C1QBP: variants seen among roughly 807,000 people sequenced by gnomAD.
The protein encoded by C1QBP is complement component 1 Q subcomponent-binding protein, mitochondrial.
A neutral mutation model predicts 29.4 loss-of-function variants in C1QBP; 24 were observed. That is an observed-to-expected ratio of 0.82 (90% CI 0.59 to 1.15). C1QBP has a LOEUF of 1.15. C1QBP is among the 50% of genes most tolerant of loss of function. The probability of loss-of-function intolerance (pLI) is 0.00; values close to 1 mark genes in which losing one functional copy is unlikely to be tolerated. For missense variants in C1QBP, 337 were observed against 355.8 expected (o/e 0.95, Z 0.43); for synonymous variants, 182 against 149.2 (o/e 1.22, Z -1.60).
At position 5,438,945 on chromosome 17, in the gene C1QBP, G is replaced by C; in HGVS notation, c.129C>G (p.Phe43Leu). The C allele has an allele frequency of 6.6e-7, 1 of 1,523,276 alleles. No homozygotes were observed. The allele number at this position is 1,523,276 out of a possible 1,614,324, so 94.4% of individuals were successfully genotyped here. A position where few individuals can be genotyped will look rare whatever the true frequency, so the allele number is the denominator to read the frequency against. Residue 43 changes from phenylalanine (F) to leucine (L), a missense_variant, in exon 1 of 6, where the codon TTC becomes TTG. Physicochemically the swap from Phe to Leu is conservative, Grantham distance 22. Coordinates refer to ENST00000225698, the MANE Select transcript of C1QBP (RefSeq NM_001212.4). ...QPAPRLCTRP[F>L]GLLSVRAGSE... ...AACCTGCGCGCACGCTGAGCAGCCC[G>C]AAGGGCCGGGTGCACAGCCGGGGTG...
At position 5,438,260 on chromosome 17, in the gene C1QBP, A is replaced by G; in HGVS notation, c.246T>C (p.Phe82=). The G allele has an allele frequency of 6.2e-7, 1 of 1,613,708 alleles. No individual in the cohort carries two copies. Among genetic ancestry groups the G allele is most frequent in the East Asian group, 2.2e-5 (1 of 44,888 alleles). ...GSLHTDGDKA[F]VDFLSDEIKE... is the part of the protein sequence containing the mutation. ...TAATTTCATCACTCAGGAAATCAAC[A>G]AAAGCTTTGTCTCCTAGAAAAGAAA... Residue 82 remains phenylalanine (F), a synonymous_variant, in exon 2 of 6, where the codon TTT becomes TTC. Transcript: ENST00000225698.
chr17:5,433,669 C>T lies in C1QBP; in HGVS notation c.576G>A (p.Glu192=). The change falls in exon 4 of 6, where the codon GAG becomes GAA. Residue 192 remains glutamate (E), a splice_region_variant and synonymous_variant. Coordinates refer to ENST00000225698, the MANE Select transcript of C1QBP (RefSeq NM_001212.4). ...GAGGCTAGCACTCCATCCTGCATACCTCATCCTCTGGATAATGACAGTCCA... is the reference window on the plus strand; with the variant it reads ...GAGGCTAGCACTCCATCCTGCATACTTCATCCTCTGGATAATGACAGTCCA... ...LVLDCHYPED[E]VGQEDEAESD... The T allele has an allele frequency of 6.2e-7, 1 of 1,613,976 alleles. No individual in the cohort carries two copies. Among genetic ancestry groups the T allele is most frequent in the Non-Finnish European group, 8.5e-7 (1 of 1,179,812 alleles).
intron 1 of C1QBP, 192 bp downstream of exon 1, chr17:5,438,650 C>T (rs907924471): frequency 7.5e-5 from 89 of 1,192,228 alleles, no homozygotes; most frequent in Non-Finnish European, 9.7e-5. Flanking sequence ...TTTTATTCAC[C>T]CCCTACCAAA....
In C1QBP at chr17:5,439,105, A is replaced by G. The variant is rs56383756; in HGVS notation, c.-32T>C. ...AACGACTGCGAACACGTGCAGATGC[A>G]AAGGACAACCCAGGCCTAGGCGCCC... On this transcript the variant is annotated 5_prime_UTR_variant, in exon 1 of 6. Coordinates refer to ENST00000225698, the MANE Select transcript of C1QBP (RefSeq NM_001212.4). 1.1e-3 allele frequency: 1,725 copies of G among 1,539,600 alleles called. 2 individuals are homozygous for G. Among genetic ancestry groups the G allele is most frequent in the Non-Finnish European group, 1.4e-3 (1,577 of 1,142,876 alleles).
rs1417879307 is a variant in C1QBP at position 5,439,074 on chromosome 17, C to T, written c.-1G>A. On this transcript the variant is annotated 5_prime_UTR_variant, in exon 1 of 6. Transcript: ENST00000225698. The stretch of plus-strand genomic sequence containing the variant: ...GCACGCAGCGCAGCAGAGGCAGCAT[C>T]GCGGAAACGACTGCGAACACGTGCA... The T allele has an allele frequency of 1.9e-6, 3 of 1,540,444 alleles. No individual in the cohort carries two copies. The highest frequency in any genetic ancestry group is 2.5e-5 in the East Asian group (1 of 39,960).
rs756081930 is a variant in C1QBP, at chr17:5,433,400, C to T, written c.592G>A (p.Glu198Lys). The change falls in exon 5 of 6, where the codon GAG (glutamate) becomes AAG (lysine). Residue 198 changes from glutamate (E) to lysine (K), a missense_variant. Glu to Lys is a moderately conservative substitution (Grantham distance 56). Transcript: ENST00000225698. ...YPEDEVGQED[E>K]AESDIFSIRE... ...ATAGAGAAGATGTCACTCTCAGCCTCGTCTTCTTGTCCAACCTGAGAAGAA... is the reference window on the plus strand; with the variant it reads ...ATAGAGAAGATGTCACTCTCAGCCTTGTCTTCTTGTCCAACCTGAGAAGAA... 3.7e-6 allele frequency: 6 copies of T among 1,614,102 alleles called. No homozygotes were observed. Among genetic ancestry groups the T allele is most frequent in the Middle Eastern group, 1.6e-4 (1 of 6,062 alleles).
In C1QBP at chr17:5,433,323, A is replaced by G. The variant is rs1916157085; in HGVS notation, c.669T>C (p.Asn223=). Residue 223 remains asparagine, a synonymous_variant, in exon 5 of 6, where the codon AAT becomes AAC. Coordinates refer to ENST00000225698, the MANE Select transcript of C1QBP (RefSeq NM_001212.4). ...STGESEWKDT[N]YTLNTDSLDW... The stretch of plus-strand genomic sequence containing the variant: ...CCAAGGAATCTGTGTTGAGTGTATA[A>G]TTAGTATCCTTCCATTCAGACTCGC... The G allele has an allele frequency of 1.2e-6, 2 of 1,614,098 alleles. No homozygotes were observed. Among genetic ancestry groups the G allele is most frequent in the East Asian group, 2.2e-5 (1 of 44,902 alleles).
intron 3 of C1QBP, chr17:5,434,125 C>A: frequency 4.3e-6 from 1 of 233,920 alleles, no homozygotes; most frequent in South Asian, 5.7e-5. Flanking sequence ...TTCCAGGAGT[C>A]TTCATAAGGG....
At chr17:5,434,852 C>G (rs772265431) in intron 3 of C1QBP, 21 bp downstream of exon 3, 1 of 1,595,608 alleles carries the variant, frequency 6.3e-7, no homozygotes, top group African/African-American at 1.3e-5. Flanking sequence ...GAGGTAAAAG[C>G]TGATTATAGT....
chr17:5,435,209 G>A (rs1231687999), intron 2 of C1QBP, among the ~76,000 whole-genome samples: 3 of 152,164 alleles, frequency 2.0e-5, no homozygotes, highest in African/African-American at 7.2e-5. Context: ...AGCCAAAGCT[G>A]GCCTCAGTTT....
Position 5,439,058 on chromosome 17 carries a change from G to A in C1QBP, c.16C>T (p.Arg6Cys), listed in dbSNP as rs1179890967. The A allele has an allele frequency of 6.5e-7, 1 of 1,536,960 alleles. No individual in the cohort carries two copies. Among genetic ancestry groups the A allele is most frequent in the African/African-American group, 1.4e-5 (1 of 70,908 alleles). Reference sequence around the variant, plus strand: ...GAGCCCAGCACACGGGGCACGCAGCGCAGCAGAGGCAGCATCGCGGAAACG... The same window carrying A: ...GAGCCCAGCACACGGGGCACGCAGCACAGCAGAGGCAGCATCGCGGAAACG... MLPLL[R>C]CVPRVLGSSV... The change falls in exon 1 of 6, where the codon CGC becomes TGC. Residue 6 changes from arginine (R) to cysteine (C), a missense_variant. Physicochemically the swap from Arg to Cys is radical, Grantham distance 180 (BLOSUM62 -3). Transcript: ENST00000225698.
chr17:5,434,860 A>G lies in C1QBP; in HGVS notation c.477+13T>C. The G allele has an allele frequency of 6.2e-7, 1 of 1,603,746 alleles. No homozygotes were observed. Among genetic ancestry groups the G allele is most frequent in the South Asian group, 1.1e-5 (1 of 90,854 alleles). ...CAGAACTGAGGTAAAAGCTGATTAT[A>G]GTATTAGCTTACCTCCTGTTCTTCA... On this transcript the variant is annotated intron_variant, in intron 3 of 5. Transcript: ENST00000225698.
In C1QBP at chr17:5,438,824, C is replaced by G; in HGVS notation, c.232+18G>C. On this transcript the variant is annotated intron_variant, in intron 1 of 5. Coordinates refer to ENST00000225698, the MANE Select transcript of C1QBP (RefSeq NM_001212.4). ...CTCTGTTGAACGCAAACCACACCCC[C>G]GGCCCGCTAAACCTCACCGTCGGTG... 6.5e-7 allele frequency: 1 copy of G among 1,547,450 alleles called. No individual in the cohort carries two copies. Among genetic ancestry groups the G allele is most frequent in the Non-Finnish European group, 8.7e-7 (1 of 1,146,178 alleles).
intron 3 of C1QBP, 103 bp downstream of exon 3, chr17:5,434,770 G>A: frequency 9.5e-7 from 1 of 1,057,384 alleles, no homozygotes; most frequent in Non-Finnish European, 1.4e-6. Flanking sequence ...TGGACTTAGA[G>A]GAATTTTTTT....
At position 5,439,083 on chromosome 17, in the gene C1QBP, G is replaced by C; in HGVS notation, c.-10C>G. ...GCAGCAGAGGCAGCATCGCGGAAACGACTGCGAACACGTGCAGATGCAAAG... is the reference window on the plus strand; with the variant it reads ...GCAGCAGAGGCAGCATCGCGGAAACCACTGCGAACACGTGCAGATGCAAAG... On this transcript the variant is annotated 5_prime_UTR_variant, in exon 1 of 6. Coordinates refer to ENST00000225698, the MANE Select transcript of C1QBP (RefSeq NM_001212.4). The C allele has an allele frequency of 6.5e-7, 1 of 1,540,272 alleles. No homozygotes were observed. The highest frequency in any genetic ancestry group is 8.7e-7 in the Non-Finnish European group (1 of 1,143,246).
chr17:5,436,752 G>A (rs1916282485), intron 2 of C1QBP, among the ~76,000 whole-genome samples: 1 of 152,208 alleles, frequency 6.6e-6, no homozygotes, highest in South Asian at 2.1e-4. Context: ...GGGCAGGGTG[G>A]CTCACACCTG....
In C1QBP at chr17:5,433,104, C is replaced by T. The variant is rs759974311; in HGVS notation, c.760G>A (p.Asp254Asn). 6.2e-7 allele frequency: 1 copy of T among 1,614,180 alleles called. No homozygotes were observed. Among genetic ancestry groups the T allele is most frequent in the Non-Finnish European group, 8.5e-7 (1 of 1,180,040 alleles). The change falls in exon 6 of 6, where the codon GAT becomes AAT. Residue 254 changes from aspartate (D) to asparagine (N), a missense_variant. Coordinates refer to ENST00000225698, the MANE Select transcript of C1QBP (RefSeq NM_001212.4). ...ADRGVDNTFA[D>N]ELVELSTALE... is the part of the protein sequence containing the mutation. ...GCTGTGCTGAGCTCCACCAGCTCAT[C>T]TGCAAAAGTGTTGTCCACCCCTCGG...
In C1QBP at chr17:5,435,874, CAAAAAAA is replaced by C. The variant is rs200057698; in HGVS notation, c.384-915_384-909del. On this transcript the variant is annotated intron_variant, in intron 2 of 5. Transcript: ENST00000225698. ...GAAACTCCATCTCTACTAAAAAATACAAAAAAAAAAAAAAAAAAAAAATTAGCTGGGC... is the reference window on the plus strand; with the variant it reads ...GAAACTCCATCTCTACTAAAAAATACAAAAAAAAAAAAAAATTAGCTGGGC... Among the ~76,000 whole-genome samples the C allele has an allele frequency of 1.5e-3, 161 of 105,678 alleles. 5 individuals carry two copies. The highest frequency in any genetic ancestry group is 4.0e-3 in the African/African-American group (98 of 24,582). The allele number at this position is 105,678 out of a possible 152,430, so 69.3% of individuals were successfully genotyped here.
chr17:5,438,313 T>C (rs776171351), intron 1 of C1QBP, 40 bp from the exon 2 acceptor site: 1 of 1,604,688 alleles, frequency 6.2e-7, no homozygotes, highest in East Asian at 2.2e-5. Flanking sequence ...GAAAGCCAGT[T>C]AGTCTAAAAC....
Sources: gnomAD v4.1 joint callset for allele counts (sites outside exome capture counted in the v4.1 genomes callset) on GRCh38, gnomAD v4.1.1 for gene constraint, MANE v1.5 for transcripts, NCBI Gene and HGNC (gene_info 2026-07-23, HGNC 2026-07-21) for gene names.